Variants in ADAMTS6 observed in about 807,000 individuals in gnomAD.
The protein encoded by ADAMTS6 is ADAM metallopeptidase with thrombospondin type 1 motif 6, also known as A disintegrin and metalloproteinase with thrombospondin motifs 6.
ADAMTS6 carries 23 observed loss-of-function variants against 144.3 expected under a neutral mutation model. The observed-to-expected ratio is 0.16, with a 90% confidence interval of 0.11 to 0.23. The LOEUF is 0.23. ADAMTS6 is among the 10% of genes least tolerant of loss of function. ADAMTS6 has a pLI of 1.00. For missense variants in ADAMTS6, 999 were observed against 1,379.6 expected, an observed-to-expected ratio of 0.72 and a Z score of 4.37; for synonymous variants, 444 against 457.5, an observed-to-expected ratio of 0.97 and a Z score of 0.38.
chr5:65,256,964 TCTC>T (rs1437638560), intron 14 of ADAMTS6, among the ~76,000 whole-genome samples: 10 of 128,960 alleles, frequency 7.8e-5, no homozygotes, highest in African/African-American at 3.4e-4. Flanking sequence ...TCACTTTTTC[TCTC>T]TCTCTCTCTC....
intron 1 of ADAMTS6, among the ~76,000 whole-genome samples, chr5:65,475,457 C>A (rs374879798): frequency 6.6e-6 from 1 of 152,094 alleles, no homozygotes; most frequent in African/African-American, 2.4e-5. Flanking sequence ...TCAATCCTTG[C>A]CCTTGGAGAG....
chr5:65,351,904 A>G (rs1490214750), intron 7 of ADAMTS6, among the ~76,000 whole-genome samples: 3 of 152,246 alleles, frequency 2.0e-5, no homozygotes, highest in African/African-American at 7.2e-5. Flanking sequence ...CACATAAATC[A>G]CTTGCTAACA....
chr5:65,238,921 G>A (rs949056045), intron 15 of ADAMTS6, among the ~76,000 whole-genome samples: 2 of 152,046 alleles, frequency 1.3e-5, no homozygotes, highest in African/African-American at 2.4e-5. Context: ...GTTTTTCTGC[G>A]GACATTAACA....
chr5:65,377,214 T>C (rs2150129773), intron 7 of ADAMTS6, among the ~76,000 whole-genome samples: 1 of 152,296 alleles, frequency 6.6e-6, no homozygotes, highest in African/African-American at 2.4e-5. Flanking sequence ...TCTCCATTTT[T>C]ATATTTCCTC....
intron 7 of ADAMTS6, among the ~76,000 whole-genome samples, chr5:65,408,318 T>C (rs554154242): frequency 6.6e-6 from 1 of 151,458 alleles, no homozygotes; most frequent in Non-Finnish European, 1.5e-5. Context: ...ACCAAGCAAA[T>C]GGAAAACAAA....
At chr5:65,170,887 T>G (rs1227748787) in intron 23 of ADAMTS6, 114 bp from the exon 24 acceptor site, 2 of 1,157,752 alleles carry the variant, frequency 1.7e-6, no homozygotes, top group Non-Finnish European at 2.4e-6. Context: ...TTTTTTCTTT[T>G]GAGACACAGC....
chr5:65,457,541 T>C (rs1191087082), intron 4 of ADAMTS6, among the ~76,000 whole-genome samples: 2 of 152,040 alleles, frequency 1.3e-5, no homozygotes, highest in African/African-American at 2.4e-5. Flanking sequence ...AATAATGTGA[T>C]ACATACTTCA....
intron 22 of ADAMTS6, among the ~76,000 whole-genome samples, chr5:65,181,946 T>A (rs1754379430): frequency 6.6e-6 from 1 of 152,226 alleles, no homozygotes; most frequent in South Asian, 2.1e-4. Flanking sequence ...ATCTCTTGTT[T>A]ATTCTAATAA....
At chr5:65,197,848 CTA>C (rs1229042237) in intron 20 of ADAMTS6, among the ~76,000 whole-genome samples, 1 of 152,058 alleles carries the variant, frequency 6.6e-6, no homozygotes, top group East Asian at 1.9e-4. Flanking sequence ...AAAAATTAGT[CTA>C]TGTGATATGT....
At chr5:65,314,345 C>T (rs566562296) in intron 9 of ADAMTS6, among the ~76,000 whole-genome samples, 81 of 152,074 alleles carry the variant, frequency 5.3e-4, no homozygotes, top group African/African-American at 1.4e-3. Context: ...CACACATACG[C>T]GCACACATCC....
At chr5:65,377,771 C>T (rs1751693036) in intron 7 of ADAMTS6, among the ~76,000 whole-genome samples, 1 of 152,138 alleles carries the variant, frequency 6.6e-6, no homozygotes, top group Non-Finnish European at 1.5e-5. Flanking sequence ...TAACAAAGTA[C>T]CACAAATTGG....
chr5:65,191,765 G>T (rs758308644), intron 21 of ADAMTS6, among the ~76,000 whole-genome samples: 1 of 152,016 alleles, frequency 6.6e-6, no homozygotes, highest in African/African-American at 2.4e-5. Context: ...AACACTGTAT[G>T]CCCTAAACAT....
At chr5:65,300,488 T>C (rs770999653) in intron 9 of ADAMTS6, among the ~76,000 whole-genome samples, 1 of 152,196 alleles carries the variant, frequency 6.6e-6, no homozygotes, top group Non-Finnish European at 1.5e-5. Flanking sequence ...TTTGTCAGTG[T>C]TGGAATTGTT....
chr5:65,352,884 A>G (rs927198361), intron 7 of ADAMTS6, among the ~76,000 whole-genome samples: 2 of 152,070 alleles, frequency 1.3e-5, no homozygotes, highest in Non-Finnish European at 2.9e-5. Flanking sequence ...GTCATGGCCT[A>G]TAAGACCCTA....
intron 9 of ADAMTS6, among the ~76,000 whole-genome samples, chr5:65,313,969 TTAAAAAAAATATA>T (rs1744739344): frequency 6.6e-6 from 1 of 151,862 alleles, no homozygotes; most frequent in African/African-American, 2.4e-5. Flanking sequence ...TAGCTTTCAG[TTAAAAAAAATATA>T]TATAAGACAT....
chr5:65,301,390 A>G (rs2112803184), intron 9 of ADAMTS6, among the ~76,000 whole-genome samples: 1 of 152,328 alleles, frequency 6.6e-6, no homozygotes, highest in East Asian at 1.9e-4. Context: ...ACTAGAGTGT[A>G]AAATAGATGA....
chr5:65,465,845 G>T (rs145416319), intron 3 of ADAMTS6, among the ~76,000 whole-genome samples: 67 of 152,180 alleles, frequency 4.4e-4, no homozygotes, highest in Admixed American at 1.5e-3. Flanking sequence ...CTGACCTCTT[G>T]GAATGCCCAA....
At position 65,471,057 on chromosome 5, in the gene ADAMTS6, C is replaced by T. The variant is rs1318390231; in HGVS notation, c.183G>A (p.Val61=). ...DQNGAFLSFT[V]KNDKHSRRRR... Reference sequence around the variant, plus strand: ...TTCTCCTTGAGTGTTTATCATTTTTCACAGTAAAGCTGAGAAATGCTCCAT... The same window carrying T: ...TTCTCCTTGAGTGTTTATCATTTTTTACAGTAAAGCTGAGAAATGCTCCAT... Residue 61 remains valine (V), a synonymous_variant, in exon 3 of 25, where the codon GTG becomes GTA. Transcript: ENST00000381055. 1 of 1,611,010 alleles carries T rather than the reference C, an allele frequency of 6.2e-7. No individual in the cohort carries two copies. Among genetic ancestry groups the T allele is most frequent in the South Asian group, 1.1e-5 (1 of 90,508 alleles).
At chr5:65,398,781 C>T (rs184209248) in intron 7 of ADAMTS6, among the ~76,000 whole-genome samples, 2 of 106,904 alleles carry the variant, frequency 1.9e-5, no homozygotes, top group African/African-American at 7.1e-5. Flanking sequence ...GAAGAGAGAG[C>T]AAGAAAGAAA....
Sources: gnomAD v4.1 joint callset for allele counts (sites outside exome capture counted in the v4.1 genomes callset) on GRCh38, gnomAD v4.1.1 for gene constraint, MANE v1.5 for transcripts, NCBI Gene and HGNC (gene_info 2026-07-23, HGNC 2026-07-21) for gene names.